The following PTPRD variants were observed in gnomAD, a reference collection of about 807,000 sequenced individuals.
The protein encoded by PTPRD is receptor-type tyrosine-protein phosphatase delta.
A neutral mutation model predicts 214.5 loss-of-function variants in PTPRD; 34 were observed. That is an observed-to-expected ratio of 0.16 (90% confidence interval 0.12 to 0.21). PTPRD has a LOEUF of 0.21. Ranked by LOEUF, PTPRD falls within the 10% of genes least tolerant of loss-of-function variation. PTPRD has a pLI of 1.00. For synonymous variants in PTPRD, 1,128 were observed against 845.7 expected, an observed-to-expected ratio of 1.33 and a Z score of -5.79; for missense variants, 2,545 against 2,398.7, an observed-to-expected ratio of 1.06 and a Z score of -1.27.
At chr9:9,634,220 T>G (rs2095683067) in intron 7 of PTPRD, among the ~76,000 whole-genome samples, 1 of 152,050 alleles carries the variant, frequency 6.6e-6, no homozygotes, top group South Asian at 2.1e-4. Context: ...ATCAAAAACG[T>G]TGGTGGATAT....
At chr9:8,771,821 A>T (rs1258309463) in intron 11 of PTPRD, among the ~76,000 whole-genome samples, 3 of 129,590 alleles carry the variant, frequency 2.3e-5, no homozygotes, top group African/African-American at 1.0e-4. Context: ...CATGGCTTTA[A>T]AAAAAAAAAA....
At chr9:8,460,926 A>G (rs1038989229) in intron 32 of PTPRD, among the ~76,000 whole-genome samples, 4 of 152,082 alleles carry the variant, frequency 2.6e-5, no homozygotes, top group Admixed American at 1.3e-4. Flanking sequence ...GAACATTTAC[A>G]TTGTGCCAAG....
chr9:10,541,294 T>A (rs1175707837), intron 2 of PTPRD, among the ~76,000 whole-genome samples: 2 of 152,184 alleles, frequency 1.3e-5, no homozygotes, highest in Non-Finnish European at 2.9e-5. Flanking sequence ...AGGAAAGATG[T>A]CAGTTCCTGT....
chr9:10,085,344 C>T (rs1216153681), intron 3 of PTPRD, among the ~76,000 whole-genome samples: 1 of 151,564 alleles, frequency 6.6e-6, no homozygotes, highest in African/African-American at 2.4e-5. Flanking sequence ...TGAACCTGGC[C>T]AAAATAATTT....
At chr9:9,858,605 G>A (rs954053684) in intron 5 of PTPRD, among the ~76,000 whole-genome samples, 4 of 152,158 alleles carry the variant, frequency 2.6e-5, no homozygotes, top group Non-Finnish European at 4.4e-5. Flanking sequence ...GCAGCAGTTA[G>A]CCATTGGTCC....
chr9:9,895,900 T>C (rs754814598), intron 5 of PTPRD, among the ~76,000 whole-genome samples: 3 of 151,948 alleles, frequency 2.0e-5, no homozygotes, highest in Admixed American at 6.6e-5. Flanking sequence ...AATAAAGTCA[T>C]TTTTCATTTA....
intron 11 of PTPRD, among the ~76,000 whole-genome samples, chr9:8,756,735 T>C (rs2094015044): frequency 6.6e-6 from 1 of 152,154 alleles, no homozygotes; most frequent in Non-Finnish European, 1.5e-5. Flanking sequence ...CAGAAGCATG[T>C]ATTTTCTTTC....
intron 39 of PTPRD, among the ~76,000 whole-genome samples, chr9:8,374,743 A>G (rs1372338932): frequency 6.6e-6 from 1 of 152,028 alleles, no homozygotes; most frequent in Non-Finnish European, 1.5e-5. Flanking sequence ...ATACAAGGTA[A>G]TGTTATTACT....
chr9:8,745,869 G>C (rs956626390), intron 11 of PTPRD, among the ~76,000 whole-genome samples: 2 of 151,700 alleles, frequency 1.3e-5, no homozygotes, highest in African/African-American at 4.9e-5. Flanking sequence ...ACAATCACAG[G>C]TCACTGCAGC....
At chr9:10,594,650 C>T (rs1011379877) in intron 2 of PTPRD, among the ~76,000 whole-genome samples, 2 of 152,010 alleles carry the variant, frequency 1.3e-5, no homozygotes, top group East Asian at 1.9e-4. Context: ...CAAGACTGAC[C>T]CACTTAGTCA....
At chr9:8,558,663 AC>A (rs907714605) in intron 14 of PTPRD, among the ~76,000 whole-genome samples, 5 of 152,162 alleles carry the variant, frequency 3.3e-5, no homozygotes, top group African/African-American at 1.2e-4. Flanking sequence ...TATTGTACAA[AC>A]CGTTATCTAA....
chr9:9,347,035 C>T (rs905687360), intron 9 of PTPRD, among the ~76,000 whole-genome samples: 9 of 151,926 alleles, frequency 5.9e-5, no homozygotes, highest in Non-Finnish European at 7.4e-5. Context: ...GGTGTGTTGG[C>T]GCACGCTTGT....
At chr9:8,502,925 C>T (rs1238577380) in intron 23 of PTPRD, among the ~76,000 whole-genome samples, 1 of 151,174 alleles carries the variant, frequency 6.6e-6, no homozygotes, top group African/African-American at 2.4e-5. Flanking sequence ...AATATTGAAG[C>T]ATGTAACATT....
intron 2 of PTPRD, among the ~76,000 whole-genome samples, chr9:10,550,335 T>G (rs1272478010): frequency 6.6e-6 from 1 of 152,210 alleles, no homozygotes; most frequent in African/African-American, 2.4e-5. Context: ...CATGGGTATT[T>G]TGCGTGATGC....
At chr9:9,287,871 C>G (rs1950009107) in intron 9 of PTPRD, among the ~76,000 whole-genome samples, 1 of 151,534 alleles carries the variant, frequency 6.6e-6, no homozygotes, top group South Asian at 2.1e-4. Context: ...TGCAAACATA[C>G]CAGTAAAAAT....
chr9:8,975,511 C>A (rs2099263407), intron 11 of PTPRD, among the ~76,000 whole-genome samples: 1 of 151,838 alleles, frequency 6.6e-6, no homozygotes, highest in Non-Finnish European at 1.5e-5. Context: ...TAAAAATATT[C>A]AAAATGTTTA....
intron 7 of PTPRD, among the ~76,000 whole-genome samples, chr9:9,686,436 T>G (rs1455111683): frequency 2.0e-5 from 3 of 151,332 alleles, no homozygotes; most frequent in Non-Finnish European, 4.4e-5. Context: ...AGACCTACAG[T>G]GATTATCTAG....
intron 3 of PTPRD, among the ~76,000 whole-genome samples, chr9:10,290,698 G>C (rs1049395949): frequency 6.6e-6 from 1 of 152,080 alleles, no homozygotes; most frequent in Non-Finnish European, 1.5e-5. Context: ...TGCATTTATA[G>C]CTGACATGCA....
chr9:10,400,209 GGA>G (rs2098246768), intron 2 of PTPRD, among the ~76,000 whole-genome samples: 1 of 151,602 alleles, frequency 6.6e-6, no homozygotes, highest in Non-Finnish European at 1.5e-5. Context: ...TATAAAAGAA[GGA>G]TAATAATAGT....
Sources: allele counts gnomAD v4.1 joint callset (sites outside exome capture counted in the v4.1 genomes callset), GRCh38; gene constraint gnomAD v4.1.1; transcripts MANE v1.5; gene names NCBI Gene and HGNC (gene_info 2026-07-23, HGNC 2026-07-21).